Variants in ST7 observed in about 807,000 individuals in gnomAD.
The protein encoded by ST7 is suppression of tumorigenicity 7, also known as suppressor of tumorigenicity 7 protein.
A neutral mutation model predicts 78.7 loss-of-function variants in ST7; 28 were observed. That is an observed-to-expected ratio of 0.36 (90% CI 0.26 to 0.49). ST7 has a LOEUF of 0.49. Among genes scored for constraint, ST7 ranks in the 20% least tolerant of loss-of-function variants. The pLI is 0.99. For missense variants in ST7, 418 were observed against 696.0 expected (o/e 0.60, Z 4.49); for synonymous variants, 247 against 249.6 (o/e 0.99, Z 0.10).
Position 117,113,345 on chromosome 7 carries a change from G to A in ST7, c.235-6216G>A, listed in dbSNP as rs532827834. 7.2e-5 allele frequency among the ~76,000 whole-genome samples: 11 copies of A among 152,330 alleles called. No individual in the cohort carries two copies. In the East Asian group the frequency reaches 2.1e-3, roughly 29 times the overall value. ...CTGGGAAGGTGGATAGCAGCAGGGT[G>A]TAGCGGTTGATATTTTCATTTTAAC... On this transcript the variant is annotated intron_variant, in intron 2 of 15. Transcript: ENST00000323984.
intron 5 of ST7, among the ~76,000 whole-genome samples, chr7:117,131,207 A>G (rs1294829891): frequency 1.3e-5 from 2 of 151,824 alleles, no homozygotes; most frequent in Non-Finnish European, 2.9e-5. Context: ...GAACCTCTAC[A>G]CACTCTAAAA....
chr7:117,061,447 A>G lies in ST7; in HGVS notation c.152-38315A>G, dbSNP rs527730583. ...GGGTAGGGGAGGGGTAGTAGGAATAATTTATGATGCTTTTTACAAGTAATT... is the reference window on the plus strand; with the variant it reads ...GGGTAGGGGAGGGGTAGTAGGAATAGTTTATGATGCTTTTTACAAGTAATT... On this transcript the variant is annotated intron_variant, in intron 1 of 15. Coordinates refer to ENST00000323984, the MANE Select transcript of ST7 (RefSeq NM_001369598.1). Among the ~76,000 whole-genome samples, 13 of 152,338 alleles carry G rather than the reference A, an allele frequency of 8.5e-5. No homozygotes were observed. The South Asian group carries it at 1.9e-3, about 22-fold the overall frequency.
chr7:117,201,007 C>G (rs188395284), intron 12 of ST7, among the ~76,000 whole-genome samples: 34 of 152,136 alleles, frequency 2.2e-4, no homozygotes, highest in Admixed American at 3.9e-4. Context: ...GCAGTCCTCC[C>G]TTTATATCTT....
At chr7:117,150,439 G>A (rs10487358) in intron 9 of ST7, among the ~76,000 whole-genome samples, 41,078 of 151,988 alleles carry the variant, frequency 0.27, 6,947 homozygotes, top group African/African-American at 0.49. Flanking sequence ...AAGCTCTTCA[G>A]GTGGCCAGTT....
intron 9 of ST7, among the ~76,000 whole-genome samples, chr7:117,152,754 A>T (rs3890664): frequency 0.048 from 7,371 of 152,210 alleles, 602 homozygotes; most frequent in African/African-American, 0.17. Context: ...ATGCATTAAT[A>T]AATAACTCCA....
At chr7:117,103,117 G>A (rs1010711603) in intron 2 of ST7, among the ~76,000 whole-genome samples, 1 of 152,082 alleles carries the variant, frequency 6.6e-6, no homozygotes, top group Non-Finnish European at 1.5e-5. Flanking sequence ...TGTGCTCGTG[G>A]ATTGGAAGAA....
chr7:117,168,368 G>A lies in ST7; in HGVS notation c.964-2494G>A, dbSNP rs551462350. On this transcript the variant is annotated intron_variant, in intron 9 of 15. Transcript: ENST00000323984. ...TTTTAAATTATAGAATATGATTTGT[G>A]TCCTTGAAGTTTGATCATTACCTGA... Among the ~76,000 whole-genome samples, 4 of 152,286 alleles carry A rather than the reference G, an allele frequency of 2.6e-5. No homozygotes were observed. In the East Asian group the frequency reaches 7.7e-4, roughly 29 times the overall value.
chr7:117,217,290 AAAAAAAAAAC>A (rs1454966730), intron 13 of ST7, among the ~76,000 whole-genome samples: 1 of 148,734 alleles, frequency 6.7e-6, no homozygotes, highest in African/African-American at 2.5e-5. Flanking sequence ...GGATTTGGGA[AAAAAAAAAAC>A]AAAAAAAAAA....
intron 2 of ST7, among the ~76,000 whole-genome samples, chr7:117,116,718 T>C (rs531239319): frequency 1.3e-5 from 2 of 152,312 alleles, no homozygotes; most frequent in South Asian, 2.1e-4. Flanking sequence ...ATTGCAGTGA[T>C]ATGACAGACC....
At chr7:116,968,975 T>C (rs75474009) in intron 1 of ST7, among the ~76,000 whole-genome samples, 12,842 of 152,266 alleles carry the variant, frequency 0.084, 587 homozygotes, top group East Asian at 0.13. Flanking sequence ...ATATTTTACC[T>C]GTATAGAAAG....
At chr7:117,028,001 G>A (rs1796295725) in intron 1 of ST7, among the ~76,000 whole-genome samples, 1 of 152,144 alleles carries the variant, frequency 6.6e-6, no homozygotes, top group Admixed American at 6.5e-5. Flanking sequence ...TCTAGGCCAA[G>A]GAGTTTATCA....
intron 1 of ST7, among the ~76,000 whole-genome samples, chr7:117,085,836 G>A (rs926985990): frequency 2.0e-5 from 3 of 152,098 alleles, no homozygotes; most frequent in Non-Finnish European, 4.4e-5. Flanking sequence ...TGACAGATAA[G>A]AGATTAACGT....
chr7:117,199,983 T>C (rs898398780), intron 12 of ST7, among the ~76,000 whole-genome samples: 1 of 152,130 alleles, frequency 6.6e-6, no homozygotes, highest in Admixed American at 6.5e-5. Context: ...ACCTTGAACA[T>C]TGTGGTCCCC....
chr7:117,204,053 A>G (rs1007053174), intron 12 of ST7, among the ~76,000 whole-genome samples: 2 of 152,176 alleles, frequency 1.3e-5, no homozygotes, highest in Non-Finnish European at 2.9e-5. Flanking sequence ...TAATTTGACA[A>G]TTCAGCTTTG....
intron 10 of ST7, among the ~76,000 whole-genome samples, chr7:117,172,054 C>T (rs1395282415): frequency 3.3e-5 from 5 of 151,738 alleles, no homozygotes; most frequent in Non-Finnish European, 7.4e-5. Context: ...GGGTTCTAGC[C>T]ATCCTCCTGC....
chr7:116,964,463 T>G (rs772791224), intron 1 of ST7, among the ~76,000 whole-genome samples: 33 of 152,240 alleles, frequency 2.2e-4, no homozygotes, highest in Non-Finnish European at 4.3e-4. Flanking sequence ...TTGTATAGTG[T>G]TACATAATAA....
At chr7:117,142,829 C>A (rs917121580) in intron 9 of ST7, among the ~76,000 whole-genome samples, 2 of 152,144 alleles carry the variant, frequency 1.3e-5, no homozygotes, top group African/African-American at 4.8e-5. Context: ...CCAGGATGGT[C>A]TTGATCTCTT....
At position 117,190,933 on chromosome 7, in the gene ST7, A is replaced by C. The variant is rs200671781; in HGVS notation, c.1251A>C (p.Pro417=). 3.1e-6 allele frequency: 5 copies of C among 1,612,832 alleles called. No individual in the cohort carries two copies. Among genetic ancestry groups the C allele is most frequent in the Non-Finnish European group, 4.2e-6 (5 of 1,178,814 alleles). Residue 417 remains proline (P), a synonymous_variant, in exon 12 of 16, where the codon CCA becomes CCC. Coordinates refer to ENST00000323984, the MANE Select transcript of ST7 (RefSeq NM_001369598.1). The surrounding 1 kb of genome is among the most constrained non-coding windows in gnomAD (Gnocchi z 5.2). The stretch of plus-strand genomic sequence containing the variant: ...CTGTGGAATTCAATCCTCATGTGCC[A>C]AAAGTGAGTCTGTGGAATCCCCACA... The part of the protein sequence containing the change: ...HRAVEFNPHV[P]KYLLEMKSLI...
intron 15 of ST7, among the ~76,000 whole-genome samples, chr7:117,229,290 C>T (rs1793641411): frequency 6.6e-6 from 1 of 152,192 alleles, no homozygotes; most frequent in Non-Finnish European, 1.5e-5. Flanking sequence ...GGCAGTAGGA[C>T]CGCAAAGAAA....
Sources: allele counts gnomAD v4.1 joint callset (sites outside exome capture counted in the v4.1 genomes callset), GRCh38; gene constraint gnomAD v4.1.1; non-coding constraint Gnocchi (gnomAD v3.1); transcripts MANE v1.5; gene names NCBI Gene and HGNC (gene_info 2026-07-23, HGNC 2026-07-21).